The following UFD1 variants were observed in gnomAD, a reference collection of about 807,000 sequenced individuals.
UFD1 encodes the protein ubiquitin recognition factor in ER-associated degradation protein 1.
A neutral mutation model predicts 45.9 loss-of-function variants in UFD1; 13 were observed. That is an observed-to-expected ratio of 0.28 (90% CI 0.18 to 0.45). UFD1 has a LOEUF of 0.45. Among genes scored for constraint, UFD1 ranks in the 20% least tolerant of loss-of-function variants. The pLI is 1.00. For missense variants in UFD1, 218 were observed against 389.2 expected (o/e 0.56, Z 3.70); for synonymous variants, 128 against 139.2 (o/e 0.92, Z 0.56).
intron 7 of UFD1, 63 bp downstream of exon 7, chr22:19,458,008 G>T (rs1276258990): frequency 1.3e-6 from 2 of 1,583,690 alleles, no homozygotes; most frequent in African/African-American, 2.7e-5. Context: ...CTGGCCTGCA[G>T]TGGTCACCAA....
intron 9 of UFD1, among the ~76,000 whole-genome samples, chr22:19,456,102 C>T (rs2089720889): frequency 6.6e-6 from 1 of 152,188 alleles, no homozygotes; most frequent in Non-Finnish European, 1.5e-5. Context: ...GCTCAGCTTC[C>T]CATCATTCTG....
In UFD1 at chr22:19,450,618, A is replaced by G; in HGVS notation, c.*52T>C. ...TGTCAGTGCCAGTAACTAAAAGCCA[A>G]GATGTTGCAAATGATTCTTTTATTA... is the stretch of plus-strand genomic sequence containing the variant. On this transcript the variant is annotated 3_prime_UTR_variant, in exon 12 of 12. Coordinates refer to ENST00000263202, the MANE Select transcript of UFD1 (RefSeq NM_005659.7). The G allele has an allele frequency of 6.2e-7, 1 of 1,611,212 alleles. No individual in the cohort carries two copies. The highest frequency in any genetic ancestry group is 8.5e-7 in the Non-Finnish European group (1 of 1,178,044).
At chr22:19,454,895 G>A in intron 10 of UFD1, 65 bp from the exon 11 acceptor site, 1 of 1,538,592 alleles carries the variant, frequency 6.5e-7, no homozygotes, top group Non-Finnish European at 8.8e-7. Flanking sequence ...ATTCATTTTT[G>A]ACAGTCAAGA....
At chr22:19,477,687 C>T (rs1038666957) in intron 1 of UFD1, among the ~76,000 whole-genome samples, 1 of 113,568 alleles carries the variant, frequency 8.8e-6, no homozygotes, top group African/African-American at 3.2e-5. Flanking sequence ...GTTTTTTTAA[C>T]CACAACTAAA....
rs148429212 is a variant in UFD1, at chr22:19,461,339, G to A, written c.496-3200C>T. On this transcript the variant is annotated intron_variant, in intron 6 of 11. Transcript: ENST00000263202. ...AGGAATAGTCAATATCCCAGATTCC[G>A]CAACCCCAGTATCTCCTTTGCCTGG... Among the ~76,000 whole-genome samples, 399 of 152,194 alleles carry A rather than the reference G, an allele frequency of 2.6e-3. 4 individuals carry two copies. The highest frequency in any genetic ancestry group is 9.3e-3 in the African/African-American group (384 of 41,512).
chr22:19,457,952 C>A, intron 7 of UFD1, 119 bp downstream of exon 7: 2 of 1,000,912 alleles, frequency 2.0e-6, no homozygotes, highest in Non-Finnish European at 1.6e-6. Flanking sequence ...CATCTTCCTC[C>A]TCTTTACCCA....
chr22:19,470,694 G>C (rs1179877717), intron 4 of UFD1: 2 of 453,128 alleles, frequency 4.4e-6, no homozygotes, highest in African/African-American at 4.0e-5. Context: ...TGCCCACTTT[G>C]GCCTTCCGAA....
chr22:19,458,023 C>T (rs1232244600), intron 7 of UFD1, 48 bp downstream of exon 7: 6 of 1,608,094 alleles, frequency 3.7e-6, no homozygotes, highest in Non-Finnish European at 5.1e-6. Context: ...CACCAACTGC[C>T]CATCCTCCCA....
intron 1 of UFD1, 129 bp from the exon 2 acceptor site, chr22:19,475,731 G>T: frequency 2.6e-6 from 3 of 1,160,308 alleles, no homozygotes; most frequent in Non-Finnish European, 3.7e-6. Context: ...AATCTTCAAT[G>T]TAATCTTACT....
chr22:19,459,819 ACCTCCG>A (rs901902956), intron 6 of UFD1, among the ~76,000 whole-genome samples: 73 of 144,112 alleles, frequency 5.1e-4, no homozygotes, highest in African/African-American at 1.7e-3. Flanking sequence ...GCTCACTGCA[ACCTCCG>A]CCTCCCGGGT....
Position 19,458,098 on chromosome 22 carries a change from T to A in UFD1, c.537A>T (p.Ala179=). The part of the protein sequence containing the change: ...LRVMETKPDK[A]VSIIECDMNV... ...TCATGTCACACTCAATGATGGACAC[T>A]GCCTTGTCGGGTTTGGTCTCCATCA... Residue 179 remains alanine (A), a synonymous_variant, in exon 7 of 12, where the codon GCA becomes GCT. Transcript: ENST00000263202. 1 of 1,614,174 alleles carries A rather than the reference T, an allele frequency of 6.2e-7. No individual in the cohort carries two copies. The highest frequency in any genetic ancestry group is 8.5e-7 in the Non-Finnish European group (1 of 1,180,002).
chr22:19,453,321 C>T, intron 11 of UFD1: 1 of 985,532 alleles, frequency 1.0e-6, no homozygotes, highest in Non-Finnish European at 1.2e-6. Flanking sequence ...CACTGTCTTT[C>T]TTACCTCATG....
chr22:19,479,157 A>C lies in UFD1; in HGVS notation c.-72T>G. On this transcript the variant is annotated 5_prime_UTR_variant, in exon 1 of 12. Transcript: ENST00000263202. Reference sequence around the variant, plus strand: ...AAGAAACCCCGCCGACCGCTCTCCCAGCCGCCGCTGCCGCTGCCGCCGCGC... The same window carrying C: ...AAGAAACCCCGCCGACCGCTCTCCCCGCCGCCGCTGCCGCTGCCGCCGCGC... 1.3e-6 allele frequency: 2 copies of C among 1,578,154 alleles called. No homozygotes were observed. Among genetic ancestry groups the C allele is most frequent in the Non-Finnish European group, 1.7e-6 (2 of 1,163,934 alleles).
intron 1 of UFD1, 139 bp from the exon 2 acceptor site, chr22:19,475,741 T>C (rs1012641387): frequency 1.8e-6 from 2 of 1,108,024 alleles, no homozygotes; most frequent in Non-Finnish European, 2.6e-6. Flanking sequence ...GTAATCTTAC[T>C]AAATACAAAA....
At chr22:19,475,431 G>T (rs2089874399) in intron 2 of UFD1, 39 bp downstream of exon 2, 1 of 1,611,732 alleles carries the variant, frequency 6.2e-7, no homozygotes, top group Non-Finnish European at 8.5e-7. Context: ...CAGACTTAGG[G>T]CAGGAAAAGT....
intron 6 of UFD1, among the ~76,000 whole-genome samples, chr22:19,459,217 A>G (rs1369590924): frequency 2.6e-5 from 4 of 152,258 alleles, no homozygotes; most frequent in Non-Finnish European, 4.4e-5. Context: ...ATTTACAGTT[A>G]TACAATGGTA....
At chr22:19,451,479 T>C (rs2089682372) in intron 11 of UFD1, 1 of 985,334 alleles carries the variant, frequency 1.0e-6, no homozygotes, top group Non-Finnish European at 1.2e-6. Flanking sequence ...TAAGCTATCC[T>C]TCCATCAGCA....
chr22:19,469,604 G>A (rs1198829892), intron 4 of UFD1, among the ~76,000 whole-genome samples: 3 of 152,182 alleles, frequency 2.0e-5, no homozygotes, highest in Non-Finnish European at 4.4e-5. Context: ...ACGAAGCCTT[G>A]GCTACAAGGA....
intron 7 of UFD1, among the ~76,000 whole-genome samples, chr22:19,457,849 G>A (rs187130394): frequency 1.3e-5 from 2 of 152,246 alleles, no homozygotes; most frequent in East Asian, 3.9e-4. Flanking sequence ...ACGGGTCAGA[G>A]CTAACCATGG....
Sources: allele counts gnomAD v4.1 joint callset (sites outside exome capture counted in the v4.1 genomes callset), GRCh38; gene constraint gnomAD v4.1.1; transcripts MANE v1.5; gene names NCBI Gene and HGNC (gene_info 2026-07-23, HGNC 2026-07-21).